The following GRIN2B variants were observed in gnomAD, a reference collection of about 807,000 sequenced individuals.
GRIN2B encodes the protein glutamate ionotropic receptor NMDA type subunit 2B.
GRIN2B carries 5 observed loss-of-function variants against 114.5 expected under a neutral mutation model. The ratio of observed to expected loss-of-function variants is 0.04; its 90% confidence interval spans 0.02 to 0.09. GRIN2B has a LOEUF of 0.09. Ranked by LOEUF, GRIN2B falls within the 10% of genes least tolerant of loss-of-function variation. The pLI is 1.00. For synonymous variants in GRIN2B, 787 were observed against 745.1 expected (o/e 1.06, Z -0.92); for missense variants, 1,108 against 1,943.5 (o/e 0.57, Z 8.08).
Position 13,927,982 on chromosome 12 carries a change from A to AAAAAAAAAAAAAAAG in GRIN2B, c.-19+51945_-19+51946insCTTTTTTTTTTTTTT, listed in dbSNP as rs71067738. Among the ~76,000 whole-genome samples the AAAAAAAAAAAAAAAG allele has an allele frequency of 6.9e-4, 89 of 129,726 alleles. 3 individuals carry two copies. In the South Asian group the frequency reaches 9.0e-3, roughly 13 times the overall value. 85.1% of individuals were successfully genotyped at this position (129,726 alleles called of 152,430 possible). ...ACCCTGTCTCAAAAAAAAAAAAAAA[A>AAAAAAAAAAAAAAAG]GGGGGGGTATGCTGTGGAAAGGATG... On this transcript the variant is annotated intron_variant, in intron 2 of 13. Transcript: ENST00000609686.
intron 2 of GRIN2B, among the ~76,000 whole-genome samples, chr12:13,961,774 C>T (rs1048644763): frequency 1.6e-4 from 25 of 152,184 alleles, no homozygotes; most frequent in South Asian, 1.2e-3. Flanking sequence ...GTAGGTCCAG[C>T]GGAATGGCAG....
intron 3 of GRIN2B, among the ~76,000 whole-genome samples, chr12:13,824,757 G>A (rs935512232): frequency 1.1e-4 from 16 of 151,522 alleles, no homozygotes; most frequent in African/African-American, 3.9e-4. Flanking sequence ...TTGGGAGGCT[G>A]AGGCAGGAGA....
At chr12:13,915,850 C>T (rs1866708654) in intron 2 of GRIN2B, among the ~76,000 whole-genome samples, 1 of 151,952 alleles carries the variant, frequency 6.6e-6, no homozygotes, top group African/African-American at 2.4e-5. Flanking sequence ...TCCATCAAGG[C>T]TGGCGTGATG....
chr12:13,835,835 C>T (rs1174581610), intron 3 of GRIN2B, among the ~76,000 whole-genome samples: 2 of 149,958 alleles, frequency 1.3e-5, no homozygotes, highest in Admixed American at 6.6e-5. Context: ...GAGAAACAGG[C>T]CACATTGCCA....
intron 4 of GRIN2B, among the ~76,000 whole-genome samples, chr12:13,699,829 C>T (rs180883415): frequency 4.6e-5 from 7 of 151,516 alleles, no homozygotes; most frequent in African/African-American, 7.3e-5. Flanking sequence ...CCTTGTGATC[C>T]GCCCACCTCA....
At chr12:13,630,899 G>T (rs893549508) in intron 5 of GRIN2B, among the ~76,000 whole-genome samples, 1 of 152,156 alleles carries the variant, frequency 6.6e-6, no homozygotes, top group East Asian at 1.9e-4. Context: ...TCATAATTCT[G>T]CATGGCTGAG....
chr12:13,562,547 C>A lies in GRIN2B; in HGVS notation c.*236G>T. On this transcript the variant is annotated 3_prime_UTR_variant, in exon 14 of 14. Coordinates refer to ENST00000609686, the MANE Select transcript of GRIN2B (RefSeq NM_000834.5). The stretch of plus-strand genomic sequence containing the variant: ...GGCCCATGGCATCATCTCATGGGAA[C>A]AGGAATGGCTGACAGCGGGGGGAAG... 1.8e-6 allele frequency: 1 copy of A among 554,976 alleles called. No individual in the cohort carries two copies. The highest frequency in any genetic ancestry group is 3.2e-6 in the Non-Finnish European group (1 of 309,586). 34.4% of individuals were successfully genotyped at this position (554,976 alleles called of 1,614,324 possible).
At chr12:13,670,228 C>T (rs549146733) in intron 5 of GRIN2B, 1 of 119,372 alleles carries the variant, frequency 8.4e-6, no homozygotes. Context: ...TTGGGGAGTC[C>T]AGAGAACGAT....
intron 2 of GRIN2B, among the ~76,000 whole-genome samples, chr12:13,925,036 T>C (rs1239444975): frequency 6.6e-6 from 1 of 152,034 alleles, no homozygotes; most frequent in Non-Finnish European, 1.5e-5. Flanking sequence ...ACAAAGAAAA[T>C]CTGTGCTTTA....
intron 3 of GRIN2B, among the ~76,000 whole-genome samples, chr12:13,814,679 A>C (rs1864786207): frequency 6.6e-6 from 1 of 152,212 alleles, no homozygotes; most frequent in South Asian, 2.1e-4. Context: ...TGATGATAGA[A>C]ATGTTTTACA....
intron 4 of GRIN2B, among the ~76,000 whole-genome samples, chr12:13,750,454 A>G (rs1342769256): frequency 6.6e-6 from 1 of 152,238 alleles, no homozygotes; most frequent in African/African-American, 2.4e-5. Flanking sequence ...AGAAGTTTTA[A>G]GTTAAAAGTA....
intron 2 of GRIN2B, among the ~76,000 whole-genome samples, chr12:13,910,964 G>T (rs1053013945): frequency 1.3e-5 from 2 of 151,608 alleles, no homozygotes; most frequent in African/African-American, 4.9e-5. Flanking sequence ...TTCTCTCCTT[G>T]TCTAGCCATC....
intron 4 of GRIN2B, among the ~76,000 whole-genome samples, chr12:13,687,262 T>A (rs546104170): frequency 7.2e-5 from 11 of 152,242 alleles, no homozygotes; most frequent in Admixed American, 7.2e-4. Flanking sequence ...TCCTAAGTGT[T>A]CTATAGTCTC....
intron 5 of GRIN2B, among the ~76,000 whole-genome samples, chr12:13,665,132 AG>A (rs1205645411): frequency 7.3e-6 from 1 of 137,626 alleles, no homozygotes; most frequent in Non-Finnish European, 1.6e-5. Flanking sequence ...CTGAAAAGAG[AG>A]GGTGTGTGTG....
chr12:13,714,153 C>G (rs143490503), intron 4 of GRIN2B, among the ~76,000 whole-genome samples: 4 of 151,826 alleles, frequency 2.6e-5, no homozygotes, highest in South Asian at 2.1e-4. Context: ...CTCCCTCCCC[C>G]ACCCACCACT....
chr12:13,694,656 CAT>C (rs67570541), intron 4 of GRIN2B, among the ~76,000 whole-genome samples: 4,119 of 70,568 alleles, frequency 0.058, 298 homozygotes, highest in African/African-American at 0.086. Context: ...AAGAAAATGT[CAT>C]ATATATATAT....
Position 13,871,815 on chromosome 12 carries a change from T to C in GRIN2B, c.-18-5589A>G, listed in dbSNP as rs150381028. ...TGAATATTATGAAAACTAGTTACTT[T>C]TCCATTTAATGTGTAATATATAATA... is the stretch of plus-strand genomic sequence containing the variant. On this transcript the variant is annotated intron_variant, in intron 2 of 13. Coordinates refer to ENST00000609686, the MANE Select transcript of GRIN2B (RefSeq NM_000834.5). Among the ~76,000 whole-genome samples the C allele has an allele frequency of 4.6e-3, 694 of 152,082 alleles. 2 individuals are homozygous for C. The highest frequency in any genetic ancestry group is 0.014 in the South Asian group (68 of 4,828).
chr12:13,575,673 C>CAATAATAATAATAATAATAATAATAAT (rs58985272), intron 10 of GRIN2B, among the ~76,000 whole-genome samples: 23 of 147,690 alleles, frequency 1.6e-4, no homozygotes, highest in African/African-American at 4.5e-4. Context: ...ATGATAACAA[C>CAATAATAATAATAATAATAATAATAAT]AATAATAATA....
In GRIN2B at chr12:13,564,611, G is replaced by A. The variant is rs1458368988; in HGVS notation, c.2627C>T (p.Ala876Val). 7.4e-6 allele frequency: 12 copies of A among 1,613,676 alleles called. No homozygotes were observed. The East Asian group carries it at 1.1e-4, about 15-fold the overall frequency. Residue 876 changes from alanine (A) to valine (V), a missense_variant, in exon 14 of 14, where the codon GCG becomes GTG. By Grantham distance (64) the Ala-to-Val change is moderately conservative (BLOSUM62 0). Coordinates refer to ENST00000609686, the MANE Select transcript of GRIN2B (RefSeq NM_000834.5). This position sits in a 1 kb window ranked among gnomAD's most constrained non-coding sequence, Gnocchi z 4.8. ...CATTACAGACTGGCGCTCCTCGATC[G>A]CCACCCCATGGATGCAGCTGTAGAT... is the stretch of plus-strand genomic sequence containing the variant. ...RGIYSCIHGVAIEERQSVMNS... is the reference protein window; with the variant it reads ...RGIYSCIHGVVIEERQSVMNS...
Sources: allele counts gnomAD v4.1 joint callset (sites outside exome capture counted in the v4.1 genomes callset), GRCh38; gene constraint gnomAD v4.1.1; non-coding constraint Gnocchi (gnomAD v3.1); transcripts MANE v1.5; gene names NCBI Gene and HGNC (gene_info 2026-07-23, HGNC 2026-07-21).